The following DIP2B variants were observed in gnomAD, a reference collection of about 807,000 sequenced individuals.
The protein encoded by DIP2B is DIP2 acetate--CoA ligase B (putative).
A neutral mutation model predicts 198.0 loss-of-function variants in DIP2B; 76 were observed. The ratio of observed to expected loss-of-function variants is 0.38; its 90% CI spans 0.32 to 0.46. The LOEUF is 0.46. DIP2B is among the 20% of genes least tolerant of loss of function. The pLI, the probability that DIP2B is intolerant of heterozygous loss-of-function variation, is 0.99. For missense variants in DIP2B, 1,559 were observed against 1,978.4 expected, an observed-to-expected ratio of 0.79 and a Z score of 4.02; for synonymous variants, 701 against 739.1, an observed-to-expected ratio of 0.95 and a Z score of 0.84.
intron 1 of DIP2B, among the ~76,000 whole-genome samples, chr12:50,546,231 A>G (rs978985179): frequency 2.6e-5 from 4 of 152,228 alleles, no homozygotes; most frequent in African/African-American, 9.6e-5. Flanking sequence ...ATCGTTAACT[A>G]GTATCAAGTG....
At chr12:50,679,100 G>A in intron 8 of DIP2B, 1 of 544,548 alleles carries the variant, frequency 1.8e-6, no homozygotes. Flanking sequence ...GCAAAAAGAA[G>A]AGAGACTTTG....
chr12:50,645,834 A>T (rs968087699), intron 3 of DIP2B, among the ~76,000 whole-genome samples: 2 of 152,090 alleles, frequency 1.3e-5, no homozygotes, highest in African/African-American at 4.8e-5. Context: ...TAATATGTTT[A>T]TAATTGTAAT....
intron 36 of DIP2B, 107 bp downstream of exon 36, chr12:50,739,693 C>A: frequency 7.6e-7 from 1 of 1,313,684 alleles, no homozygotes; most frequent in Non-Finnish European, 1.1e-6. Flanking sequence ...TAGTTACTCC[C>A]TTCGGTGACT....
chr12:50,675,583 C>G, intron 7 of DIP2B, 135 bp downstream of exon 7: 1 of 819,676 alleles, frequency 1.2e-6, no homozygotes, highest in Non-Finnish European at 1.8e-6. Flanking sequence ...ATTTTCTGCT[C>G]TTTTTTCCCT....
At chr12:50,592,929 A>G (rs574552861) in intron 1 of DIP2B, among the ~76,000 whole-genome samples, 1 of 152,272 alleles carries the variant, frequency 6.6e-6, no homozygotes, top group African/African-American at 2.4e-5. Flanking sequence ...GCATTGTCAT[A>G]TTCTCTAGGC....
Position 50,728,605 on chromosome 12 carries a change from T to C in DIP2B, c.3568T>C (p.Tyr1190His). Reference sequence around the variant, plus strand: ...AGCCATCAAGCTCCAGTGTGAGTTGTACTCTTCTCGGCAGATCGCCATCTG... The same window carrying C: ...AGCCATCAAGCTCCAGTGTGAGTTGCACTCTTCTCGGCAGATCGCCATCTG... ...CRAIKLQCEL[Y>H]SSRQIAICLD... The change falls in exon 30 of 38, where the codon TAC becomes CAC. Residue 1190 changes from tyrosine (Y) to histidine (H), a missense_variant. Tyr to His is a moderately conservative substitution (Grantham distance 83). Coordinates refer to ENST00000301180, the MANE Select transcript of DIP2B (RefSeq NM_173602.3). The C allele has an allele frequency of 2.5e-6, 4 of 1,614,200 alleles. No homozygotes were observed. The highest frequency in any genetic ancestry group is 3.4e-6 in the Non-Finnish European group (4 of 1,180,034).
chr12:50,616,316 C>T (rs1164453821), intron 1 of DIP2B, among the ~76,000 whole-genome samples: 1 of 152,164 alleles, frequency 6.6e-6, no homozygotes, highest in Non-Finnish European at 1.5e-5. Context: ...CCTTGAAAAA[C>T]CGTTTGTAAG....
At chr12:50,697,024 A>C in intron 16 of DIP2B, 37 bp from the exon 17 acceptor site, 1 of 1,507,182 alleles carries the variant, frequency 6.6e-7, no homozygotes, top group Non-Finnish European at 9.1e-7. Flanking sequence ...TGAAAAGCAT[A>C]ATTTCAGCTT....
At chr12:50,577,385 T>G (rs1390609058) in intron 1 of DIP2B, among the ~76,000 whole-genome samples, 1 of 151,828 alleles carries the variant, frequency 6.6e-6, no homozygotes, top group African/African-American at 2.4e-5. Context: ...CAAAAAAAAT[T>G]TAGCCAGGCG....
At chr12:50,599,207 G>C (rs1038220706) in intron 1 of DIP2B, among the ~76,000 whole-genome samples, 1 of 150,018 alleles carries the variant, frequency 6.7e-6, no homozygotes, top group East Asian at 2.0e-4. Flanking sequence ...TGGGAGGATT[G>C]CCTAAGCTCT....
chr12:50,644,113 T>C (rs1311728828), intron 3 of DIP2B, among the ~76,000 whole-genome samples: 2 of 152,226 alleles, frequency 1.3e-5, no homozygotes, highest in Non-Finnish European at 2.9e-5. Flanking sequence ...TCAGACACAG[T>C]ATAAAGAACT....
chr12:50,605,249 C>T (rs1053004531), intron 1 of DIP2B, among the ~76,000 whole-genome samples: 3 of 152,082 alleles, frequency 2.0e-5, no homozygotes, highest in Non-Finnish European at 4.4e-5. Flanking sequence ...GTTATGCAAC[C>T]ATCACTGTGA....
chr12:50,704,715 A>C (rs537948751), intron 20 of DIP2B, among the ~76,000 whole-genome samples: 1 of 152,224 alleles, frequency 6.6e-6, no homozygotes, highest in African/African-American at 2.4e-5. Flanking sequence ...CTGTAATCCC[A>C]GCACTTTGGG....
chr12:50,626,065 G>C lies in DIP2B; in HGVS notation c.172+18G>C. 1 of 1,612,518 alleles carries C rather than the reference G, an allele frequency of 6.2e-7. No individual in the cohort carries two copies. The highest frequency in any genetic ancestry group is 8.5e-7 in the Non-Finnish European group (1 of 1,179,174). ...GACACAAGGTAGGCAATAAAAAATGGTTTCAACTTTTTCAGTATTTTTACA... is the reference window on the plus strand; with the variant it reads ...GACACAAGGTAGGCAATAAAAAATGCTTTCAACTTTTTCAGTATTTTTACA... On this transcript the variant is annotated intron_variant, in intron 2 of 37. Coordinates refer to ENST00000301180, the MANE Select transcript of DIP2B (RefSeq NM_173602.3).
At chr12:50,602,694 A>G (rs1159244067) in intron 1 of DIP2B, among the ~76,000 whole-genome samples, 1 of 151,416 alleles carries the variant, frequency 6.6e-6, no homozygotes, top group African/African-American at 2.4e-5. Flanking sequence ...CCACGTCTCT[A>G]CTAAAAATAC....
At chr12:50,647,951 C>T (rs545022902) in intron 3 of DIP2B, among the ~76,000 whole-genome samples, 50 of 152,192 alleles carry the variant, frequency 3.3e-4, no homozygotes, top group African/African-American at 1.1e-3. Flanking sequence ...ACTAAAAATA[C>T]AAAAATTAGC....
chr12:50,511,371 A>G (rs1163532858), intron 1 of DIP2B, among the ~76,000 whole-genome samples: 2 of 123,286 alleles, frequency 1.6e-5, no homozygotes, highest in African/African-American at 6.1e-5. Context: ...GGCTCACCAC[A>G]ACCCCCGCCT....
At chr12:50,698,531 G>C in intron 18 of DIP2B, 64 bp downstream of exon 18, 1 of 1,552,284 alleles carries the variant, frequency 6.4e-7, no homozygotes, top group Non-Finnish European at 8.7e-7. Flanking sequence ...AATAGAGCCT[G>C]ATAAAATACA....
chr12:50,716,727 A>G (rs1243306322), intron 23 of DIP2B, among the ~76,000 whole-genome samples: 2 of 152,198 alleles, frequency 1.3e-5, no homozygotes, highest in African/African-American at 2.4e-5. Context: ...TTAATCCAGT[A>G]TAGCATCAGC....
Sources: gnomAD v4.1 joint callset for allele counts (sites outside exome capture counted in the v4.1 genomes callset) on GRCh38, gnomAD v4.1.1 for gene constraint, MANE v1.5 for transcripts, NCBI Gene and HGNC (gene_info 2026-07-23, HGNC 2026-07-21) for gene names.